GDAP2: variants seen among roughly 807,000 people sequenced by gnomAD.
GDAP2 encodes ganglioside-induced differentiation-associated protein 2.
GDAP2 carries 51 observed loss-of-function variants against 67.0 expected under a neutral mutation model. The ratio of observed to expected loss-of-function variants is 0.76; its 90% CI spans 0.61 to 0.96. The LOEUF is 0.96. Among genes scored for constraint, GDAP2 ranks in the 40% least tolerant of loss-of-function variants. The pLI, the probability that GDAP2 is intolerant of heterozygous loss-of-function variation, is 0.00. For synonymous variants in GDAP2, 203 were observed against 207.3 expected (o/e 0.98, Z 0.18); for missense variants, 547 against 588.3 (o/e 0.93, Z 0.73).
In GDAP2 at chr1:117,918,721, T is replaced by C. The variant is rs372715643; in HGVS notation, c.192A>G (p.Ala64=). 168 of 1,601,372 alleles carry C rather than the reference T, an allele frequency of 1.0e-4. No individual in the cohort carries two copies. The highest frequency in any genetic ancestry group is 1.3e-4 in the African/African-American group (10 of 74,808). ...TCACAATGGCTGTACAGTTCAGTAATGCCACATCTCCTTTCCTGAAGAAAC... is the reference window on the plus strand; with the variant it reads ...TCACAATGGCTGTACAGTTCAGTAACGCCACATCTCCTTTCCTGAAGAAAC... ...GKVVLWKGDV[A]LLNCTAIVNT... is the part of the protein sequence containing the mutation. Residue 64 remains alanine, a synonymous_variant, in exon 3 of 14, where the codon GCA becomes GCG. Coordinates refer to ENST00000369443, the MANE Select transcript of GDAP2 (RefSeq NM_017686.4).
In GDAP2 at chr1:117,868,004, A is replaced by G. The variant is rs897159629; in HGVS notation, c.*2565T>C. On this transcript the variant is annotated 3_prime_UTR_variant, in exon 14 of 14. Coordinates refer to ENST00000369443, the MANE Select transcript of GDAP2 (RefSeq NM_017686.4). ...AATTCAATTAGCATTTGGCATGACC[A>G]AAGTTTAATTAAATTAAAGACTTGG... 6.6e-6 allele frequency: 1 copy of G among 152,240 alleles called. No individual in the cohort carries two copies. Among genetic ancestry groups the G allele is most frequent in the Non-Finnish European group, 1.5e-5 (1 of 68,042 alleles). The allele number at this position is 152,240 out of a possible 1,614,324, so 9.4% of individuals were successfully genotyped here. A position where few individuals can be genotyped will look rare whatever the true frequency, so the allele number is the denominator to read the frequency against.
At chr1:117,910,740 G>GA (rs1367536417) in intron 5 of GDAP2, among the ~76,000 whole-genome samples, 1 of 152,166 alleles carries the variant, frequency 6.6e-6, no homozygotes, top group Admixed American at 6.6e-5. Context: ...ACCTCTGCAT[G>GA]AATGTTCCTA....
At chr1:117,919,580 G>A (rs1650170147) in intron 2 of GDAP2, among the ~76,000 whole-genome samples, 1 of 152,050 alleles carries the variant, frequency 6.6e-6, no homozygotes, top group Non-Finnish European at 1.5e-5. Flanking sequence ...CTGCTAATGG[G>A]GCTTTGGGCT....
chr1:117,878,249 C>A, intron 12 of GDAP2, 97 bp from the exon 13 acceptor site: 3 of 596,762 alleles, frequency 5.0e-6, no homozygotes, highest in South Asian at 3.0e-5. Flanking sequence ...AACTATATTT[C>A]AAAGTCTTAA....
chr1:117,899,056 C>A lies in GDAP2; in HGVS notation c.796+1G>T. ...TAAAAAGTTAGAGCTCTAGAACTCA[C>A]CTTCTGGAGCACCAGGTTTCTCACT... On this transcript the variant is annotated splice_donor_variant, in intron 7 of 13. Coordinates refer to ENST00000369443, the MANE Select transcript of GDAP2 (RefSeq NM_017686.4). LOFTEE classifies it high-confidence loss of function. 6.2e-7 allele frequency: 1 copy of A among 1,611,624 alleles called. No homozygotes were observed. The highest frequency in any genetic ancestry group is 8.5e-7 in the Non-Finnish European group (1 of 1,177,820).
At chr1:117,870,651 A>G in intron 13 of GDAP2, 35 bp from the exon 14 acceptor site, 1 of 1,344,572 alleles carries the variant, frequency 7.4e-7, no homozygotes, top group Non-Finnish European at 1.1e-6. Context: ...ACATTTAAGT[A>G]ACAGAACCAA....
Position 117,878,063 on chromosome 1 carries a change from G to T in GDAP2, c.1392C>A (p.Ala464=). The T allele has an allele frequency of 6.2e-7, 1 of 1,611,152 alleles. No homozygotes were observed. The highest frequency in any genetic ancestry group is 1.1e-5 in the South Asian group (1 of 90,988). ...GAAAGTCAATCTGTTCTGGTGATAT[G>T]GCAGAAAACAGCTGGTGGAGGCTGT... is the stretch of plus-strand genomic sequence containing the variant. ...HVDSLHQLFS[A]ISPEQIDFPP... Residue 464 remains alanine (A), a synonymous_variant, in exon 13 of 14, where the codon GCC becomes GCA. Coordinates refer to ENST00000369443, the MANE Select transcript of GDAP2 (RefSeq NM_017686.4).
At chr1:117,923,726 T>C (rs561948149) in intron 1 of GDAP2, among the ~76,000 whole-genome samples, 19 of 152,354 alleles carry the variant, frequency 1.2e-4, no homozygotes, top group Non-Finnish European at 2.4e-4. Flanking sequence ...AGTAGCTCCA[T>C]GTGATCTGTC....
intron 3 of GDAP2, among the ~76,000 whole-genome samples, chr1:117,914,956 G>T (rs1424807045): frequency 6.6e-6 from 1 of 152,018 alleles, no homozygotes; most frequent in African/African-American, 2.4e-5. Context: ...GATTTCCCAG[G>T]ATGATGTTAA....
At chr1:117,896,111 A>G (rs565885735) in intron 8 of GDAP2, among the ~76,000 whole-genome samples, 35 of 152,358 alleles carry the variant, frequency 2.3e-4, no homozygotes, top group Middle Eastern at 6.8e-3. Context: ...TAAGAGCTTG[A>G]CAAGTACCAG....
chr1:117,922,552 A>T (rs1281562695), intron 1 of GDAP2, among the ~76,000 whole-genome samples: 1 of 152,212 alleles, frequency 6.6e-6, no homozygotes, highest in Non-Finnish European at 1.5e-5. Context: ...AATAAAGGGA[A>T]AGAGTACAAA....
At chr1:117,884,742 GATT>G (rs1212295697) in intron 10 of GDAP2, among the ~76,000 whole-genome samples, 4 of 151,882 alleles carry the variant, frequency 2.6e-5, no homozygotes, top group African/African-American at 4.8e-5. Context: ...GGGTCACACT[GATT>G]ATTAAGAACA....
intron 12 of GDAP2, among the ~76,000 whole-genome samples, chr1:117,879,686 A>G (rs547782960): frequency 1.3e-5 from 2 of 152,326 alleles, no homozygotes; most frequent in South Asian, 2.1e-4. Context: ...TGATAAATTG[A>G]TAACTGGTAG....
At chr1:117,890,170 G>T (rs1649019116) in intron 8 of GDAP2, among the ~76,000 whole-genome samples, 1 of 151,990 alleles carries the variant, frequency 6.6e-6, no homozygotes, top group African/African-American at 2.4e-5. Flanking sequence ...GCTGAGAAGG[G>T]GACTGGTGGT....
chr1:117,922,567 A>T (rs1247204009), intron 1 of GDAP2, among the ~76,000 whole-genome samples: 1 of 152,148 alleles, frequency 6.6e-6, no homozygotes, highest in Non-Finnish European at 1.5e-5. Flanking sequence ...TACAAAAGAG[A>T]GAAATTTTAA....
At chr1:117,880,027 T>TA (rs557423626) in intron 12 of GDAP2, among the ~76,000 whole-genome samples, 10 of 151,554 alleles carry the variant, frequency 6.6e-5, no homozygotes, top group Non-Finnish European at 1.3e-4. Context: ...AAATACAAAA[T>TA]AAAAAAAATT....
At chr1:117,888,113 G>A (rs1648933909) in intron 8 of GDAP2, among the ~76,000 whole-genome samples, 2 of 152,214 alleles carry the variant, frequency 1.3e-5, no homozygotes, top group Non-Finnish European at 2.9e-5. Flanking sequence ...AACATGCATA[G>A]AGAAAGTCTA....
chr1:117,894,199 G>A (rs1447743822), intron 8 of GDAP2, among the ~76,000 whole-genome samples: 1 of 151,610 alleles, frequency 6.6e-6, no homozygotes, highest in Admixed American at 6.6e-5. Flanking sequence ...GAGTGCAGTG[G>A]TGTGATCACA....
chr1:117,911,294 C>T (rs1464877770), intron 5 of GDAP2, among the ~76,000 whole-genome samples: 1 of 152,122 alleles, frequency 6.6e-6, no homozygotes, highest in Non-Finnish European at 1.5e-5. Context: ...CTCATATTGA[C>T]TGAGCCCAGT....
Sources: gnomAD v4.1 joint callset for allele counts (sites outside exome capture counted in the v4.1 genomes callset) on GRCh38, gnomAD v4.1.1 for gene constraint, MANE v1.5 for transcripts, NCBI Gene and HGNC (gene_info 2026-07-23, HGNC 2026-07-21) for gene names.